ST6GALNAC2: variants seen among roughly 807,000 people sequenced by gnomAD.
ST6GALNAC2 encodes the protein alpha-N-acetylgalactosaminide alpha-2,6-sialyltransferase 2.
A neutral mutation model predicts 38.7 loss-of-function variants in ST6GALNAC2; 42 were observed. The ratio of observed to expected loss-of-function variants is 1.09; its 90% CI spans 0.85 to 1.40. ST6GALNAC2 has a LOEUF of 1.40. Among genes scored for constraint, ST6GALNAC2 ranks in the 40% most tolerant of loss-of-function variants. The pLI is 0.00. For synonymous variants in ST6GALNAC2, 233 were observed against 209.0 expected, an observed-to-expected ratio of 1.11 and a Z score of -0.99; for missense variants, 506 against 481.7, an observed-to-expected ratio of 1.05 and a Z score of -0.47.
intron 5 of ST6GALNAC2, among the ~76,000 whole-genome samples, chr17:76,572,062 G>C (rs978922640): frequency 6.6e-6 from 1 of 152,128 alleles, no homozygotes; most frequent in East Asian, 1.9e-4. Context: ...CCTAGATCTA[G>C]ATGGTTCCAG....
At position 76,585,797 on chromosome 17, in the gene ST6GALNAC2, C is replaced by A. The variant is rs755318820; in HGVS notation, c.12G>T (p.Pro4=). The A allele has an allele frequency of 1.3e-6, 2 of 1,551,314 alleles. No individual in the cohort carries two copies. The highest frequency in any genetic ancestry group is 2.4e-5 in the South Asian group (2 of 84,200). Residue 4 remains proline (P), a synonymous_variant, in exon 1 of 9, where the codon CCG becomes CCT. Coordinates refer to ENST00000225276, the MANE Select transcript of ST6GALNAC2 (RefSeq NM_006456.3). The part of the protein sequence containing the change: MGL[P]RGSFFWLLLL... ...GCAGCAGCCAGAAGAACGACCCGCG[C>A]GGGAGCCCCATACAGCCCCGGCCCG...
In ST6GALNAC2 at chr17:76,573,159, T is replaced by TA; in HGVS notation, c.530+35_530+36insT. On this transcript the variant is annotated intron_variant, in intron 4 of 8. Coordinates refer to ENST00000225276, the MANE Select transcript of ST6GALNAC2 (RefSeq NM_006456.3). This position sits in a 1 kb window ranked among gnomAD's most constrained non-coding sequence, Gnocchi z 5.1. ...GACACCCCCACCCTCCAGGCAACTC[T>TA]CCCTCCCGCCCCTCCCCAGCTCCTA... 89 of 1,530,094 alleles carry TA rather than the reference T, an allele frequency of 5.8e-5. No individual in the cohort carries two copies. Among genetic ancestry groups the TA allele is most frequent in the Middle Eastern group, 1.9e-4 (1 of 5,286 alleles). 94.8% of individuals were successfully genotyped at this position (1,530,094 alleles called of 1,614,324 possible). A position where few individuals can be genotyped will look rare whatever the true frequency, so the allele number is the denominator to read the frequency against.
chr17:76,585,498 G>T (rs554116614), intron 1 of ST6GALNAC2, among the ~76,000 whole-genome samples, 186 bp downstream of exon 1: 2 of 152,320 alleles, frequency 1.3e-5, no homozygotes, highest in South Asian at 4.1e-4. Context: ...GCAGCGCGAG[G>T]TCAAGGCTGG....
Position 76,567,522 on chromosome 17 carries a change from ATG to A in ST6GALNAC2, c.886_887del (p.His296PhefsTer8), listed in dbSNP as rs2075299512. 2.5e-6 allele frequency: 4 copies of A among 1,613,878 alleles called. No individual in the cohort carries two copies. Among genetic ancestry groups the A allele is most frequent in the Non-Finnish European group, 3.4e-6 (4 of 1,179,902 alleles). On this transcript the variant is annotated frameshift_variant, in exon 8 of 9. Transcript: ENST00000225276. LOFTEE classifies it high-confidence loss of function. ...RFLKSKLINT[H>X]FGDLYMPSTG... The stretch of plus-strand genomic sequence containing the variant: ...TACTAGGCATATATAGGTCTCCAAA[ATG>A]TGTGTTAATCAACTTTGATTTCAAG...
In ST6GALNAC2 at chr17:76,585,679, C is replaced by G. The variant is rs769661461; in HGVS notation, c.125+5G>C. 5 of 1,524,090 alleles carry G rather than the reference C, an allele frequency of 3.3e-6. No individual in the cohort carries two copies. In the Middle Eastern group the frequency reaches 8.7e-4, roughly 264 times the overall value. The allele number at this position is 1,524,090 out of a possible 1,614,324, so 94.4% of individuals were successfully genotyped here. On this transcript the variant is annotated splice_donor_5th_base_variant and intron_variant, in intron 1 of 8. Transcript: ENST00000225276. The stretch of plus-strand genomic sequence containing the variant: ...CCCTCCCGCTCTGCGCTCGGCAGCC[C>G]CTACCTGGCTCCGGCCGCTGGCCCC...
At chr17:76,583,768 T>G (rs1248656719) in intron 1 of ST6GALNAC2, among the ~76,000 whole-genome samples, 2 of 151,742 alleles carry the variant, frequency 1.3e-5, no homozygotes, top group East Asian at 3.9e-4. Context: ...TTATTTTTAA[T>G]TGGCACATAC....
chr17:76,585,722 C>G lies in ST6GALNAC2; in HGVS notation c.87G>C (p.Ser29=), dbSNP rs1268606189. The change falls in exon 1 of 9, where the codon TCG becomes TCC. Residue 29 remains serine (S), a synonymous_variant. Transcript: ENST00000225276. ...CTGGCCCCGGGTACCGCTGCACCGC[C>G]GAGAAGTACAGGGCAAAGAGGAGCC... The part of the protein sequence containing the change: ...CSGLLFALYF[S]AVQRYPGPAA... The G allele has an allele frequency of 2.6e-6, 4 of 1,538,760 alleles. No homozygotes were observed. Among genetic ancestry groups the G allele is most frequent in the South Asian group, 1.2e-5 (1 of 83,632 alleles).
intron 3 of ST6GALNAC2, 29 bp downstream of exon 3, chr17:76,574,336 G>A: frequency 1.2e-6 from 2 of 1,600,240 alleles, no homozygotes; most frequent in Non-Finnish European, 1.7e-6. Context: ...AAGGCAGAAG[G>A]CAGGTGAGAG....
chr17:76,583,972 T>A (rs1428479009), intron 1 of ST6GALNAC2, among the ~76,000 whole-genome samples: 2 of 136,128 alleles, frequency 1.5e-5, no homozygotes, highest in East Asian at 4.4e-4. Flanking sequence ...CACGCCCAGC[T>A]AATTTTTTGT....
chr17:76,573,475 C>T lies in ST6GALNAC2; in HGVS notation c.362-112G>A. 1 of 1,074,876 alleles carries T rather than the reference C, an allele frequency of 9.3e-7. No homozygotes were observed. The highest frequency in any genetic ancestry group is 1.3e-6 in the Non-Finnish European group (1 of 792,174). 66.6% of individuals were successfully genotyped at this position (1,074,876 alleles called of 1,614,324 possible). On this transcript the variant is annotated intron_variant, in intron 3 of 8. Coordinates refer to ENST00000225276, the MANE Select transcript of ST6GALNAC2 (RefSeq NM_006456.3). This position sits in a 1 kb window ranked among gnomAD's most constrained non-coding sequence, Gnocchi z 5.1. ...CTCCCCTGAGGCCTGACCCTAGCCC[C>T]TCCCAAGAAGCACAGAGGGTGGGAG...
At chr17:76,580,094 A>G (rs895444197) in intron 1 of ST6GALNAC2, among the ~76,000 whole-genome samples, 8 of 152,292 alleles carry the variant, frequency 5.3e-5, no homozygotes, top group African/African-American at 1.7e-4. Flanking sequence ...AGGAGGGTTC[A>G]AACAGAGACT....
chr17:76,572,868 C>A, intron 4 of ST6GALNAC2, 93 bp from the exon 5 acceptor site: 1 of 1,482,062 alleles, frequency 6.7e-7, no homozygotes, highest in Non-Finnish European at 9.3e-7. Flanking sequence ...TATCCCCCTG[C>A]CTCTGTATGA....
Position 76,567,539 on chromosome 17 carries a change from T to G in ST6GALNAC2, c.871A>C (p.Lys291Gln), listed in dbSNP as rs200117442. 1.7e-4 allele frequency: 277 copies of G among 1,613,460 alleles called. 2 individuals are homozygous for G. The highest frequency in any genetic ancestry group is 1.0e-5 in the Non-Finnish European group (12 of 1,179,666). Reference protein sequence around the residue: ...SYLTERFLKSKLINTHFGDLY... With the variant: ...SYLTERFLKSQLINTHFGDLY... ...TCTCCAAAATGTGTGTTAATCAACTTTGATTTCAAGAACCTGGAAGCAAAA... is the reference window on the plus strand; with the variant it reads ...TCTCCAAAATGTGTGTTAATCAACTGTGATTTCAAGAACCTGGAAGCAAAA... Residue 291 changes from lysine (K) to glutamine (Q), a missense_variant, in exon 8 of 9, where the codon AAG becomes CAG. Physicochemically the swap from Lys to Gln is moderately conservative, Grantham distance 53 (BLOSUM62 1). Coordinates refer to ENST00000225276, the MANE Select transcript of ST6GALNAC2 (RefSeq NM_006456.3).
Position 76,573,240 on chromosome 17 carries a change from C to T in ST6GALNAC2, c.485G>A (p.Gly162Glu), listed in dbSNP as rs1458466960. 6.2e-7 allele frequency: 1 copy of T among 1,613,418 alleles called. No individual in the cohort carries two copies. The highest frequency in any genetic ancestry group is 8.5e-7 in the Non-Finnish European group (1 of 1,179,820). ...ATCGATGTTGGGACCCTGGCGGGAC[C>T]CATTCAGAATGCCTCCGTTGCCCAC... ...AVVGNGGILN[G>E]SRQGPNIDAH... Residue 162 changes from glycine (G) to glutamate (E), a missense_variant, in exon 4 of 9, where the codon GGG becomes GAG. Gly to Glu is a moderately conservative substitution (Grantham distance 98, BLOSUM62 -2). Transcript: ENST00000225276. The surrounding 1 kb of genome is among the most constrained non-coding windows in gnomAD (Gnocchi z 5.1).
chr17:76,574,046 C>G (rs183809831), intron 3 of ST6GALNAC2, among the ~76,000 whole-genome samples: 3 of 152,136 alleles, frequency 2.0e-5, no homozygotes, highest in African/African-American at 7.2e-5. Context: ...CAGCAGCAAC[C>G]GTGAGTGAGG....
At chr17:76,570,717 G>T in intron 5 of ST6GALNAC2, 49 bp from the exon 6 acceptor site, 1 of 1,448,274 alleles carries the variant, frequency 6.9e-7, no homozygotes, top group Non-Finnish European at 9.5e-7. Context: ...GACATGTTTA[G>T]CTCCTCAGTG....
intron 2 of ST6GALNAC2, among the ~76,000 whole-genome samples, chr17:76,575,142 G>A (rs577987524): frequency 3.3e-5 from 5 of 152,306 alleles, no homozygotes; most frequent in South Asian, 2.1e-4. Flanking sequence ...ATTTTCTGAT[G>A]TATGGGTCTG....
intron 5 of ST6GALNAC2, among the ~76,000 whole-genome samples, chr17:76,572,035 C>T (rs985281819): frequency 1.3e-5 from 2 of 152,074 alleles, no homozygotes; most frequent in Non-Finnish European, 2.9e-5. Context: ...ACAACCCCAG[C>T]GCTGGGGTCA....
At chr17:76,567,668 CAGTTCTT>C in intron 7 of ST6GALNAC2, 116 bp from the exon 8 acceptor site, 1 of 677,014 alleles carries the variant, frequency 1.5e-6, no homozygotes, top group East Asian at 2.7e-5. Context: ...CTACTCCAGT[CAGTTCTT>C]TATTCGGTCC....
Sources: gnomAD v4.1 joint callset for allele counts (sites outside exome capture counted in the v4.1 genomes callset) on GRCh38, gnomAD v4.1.1 for gene constraint, Gnocchi (gnomAD v3.1) non-coding constraint, MANE v1.5 for transcripts, NCBI Gene and HGNC (gene_info 2026-07-23, HGNC 2026-07-21) for gene names.